The following AOPEP variants were observed in gnomAD, a reference collection of about 807,000 sequenced individuals.
AOPEP encodes aminopeptidase O.
Under a neutral mutation model 98.1 loss-of-function variants are expected in AOPEP, and 77 were observed. The observed-to-expected ratio is 0.78, with a 90% CI of 0.65 to 0.95. AOPEP has a LOEUF of 0.95. Among genes scored for constraint, AOPEP ranks in the 40% least tolerant of loss-of-function variants. The probability of loss-of-function intolerance (pLI) is 0.00; values close to 1 mark genes in which losing one functional copy is unlikely to be tolerated. For missense variants in AOPEP, 1,024 were observed against 1,024.7 expected, an observed-to-expected ratio of 1.00 and a Z score of 0.01; for synonymous variants, 346 against 365.3, an observed-to-expected ratio of 0.95 and a Z score of 0.60.
chr9:94,741,037 GGA>G (rs1390762028), intron 1 of AOPEP, among the ~76,000 whole-genome samples: 4 of 152,054 alleles, frequency 2.6e-5, no homozygotes, highest in Non-Finnish European at 5.9e-5. Context: ...GGTGGCAGGA[GGA>G]GAGAGAGAGT....
At chr9:95,050,383 C>T (rs1269622837) in intron 13 of AOPEP, among the ~76,000 whole-genome samples, 2 of 152,158 alleles carry the variant, frequency 1.3e-5, no homozygotes, top group African/African-American at 4.8e-5. Flanking sequence ...TAATCCTTTG[C>T]TCTATTCCTC....
At chr9:94,731,515 C>T (rs539242187) in intron 1 of AOPEP, among the ~76,000 whole-genome samples, 4 of 152,140 alleles carry the variant, frequency 2.6e-5, no homozygotes, top group African/African-American at 9.6e-5. Context: ...CGTGAGCCAC[C>T]GTGCCCGGCC....
At chr9:95,139,534 C>T in the AOPEP span, among the ~76,000 whole-genome samples, 1 of 152,066 alleles carries the variant, frequency 6.6e-6, no homozygotes, top group African/African-American at 2.4e-5. Context: ...GATGGCGGAA[C>T]AGAGTGTGGG....
At chr9:95,111,296 C>T in the AOPEP span, 2 of 1,580,548 alleles carry the variant, frequency 1.3e-6, no homozygotes, top group South Asian at 2.3e-5. Flanking sequence ...ACGCCTCTGA[C>T]CACAAGGCTG....
intron 15 of AOPEP, among the ~76,000 whole-genome samples, chr9:95,082,079 A>G (rs904462902): frequency 6.6e-6 from 1 of 152,014 alleles, no homozygotes; most frequent in African/African-American, 2.4e-5. Flanking sequence ...CTCTGCGGGC[A>G]TCGTGATGTG....
chr9:94,964,086 A>G (rs2059028558), intron 9 of AOPEP, among the ~76,000 whole-genome samples: 1 of 152,220 alleles, frequency 6.6e-6, no homozygotes, highest in Non-Finnish European at 1.5e-5. Context: ...GGAACACAGA[A>G]CAGAAGAATA....
In AOPEP at chr9:94,763,477, A is replaced by G. The variant is rs896355803; in HGVS notation, c.797+2897A>G. 1.7e-5 allele frequency: 3 copies of G among 178,930 alleles called. No homozygotes were observed. The South Asian group carries it at 3.4e-4, about 20-fold the overall frequency. 11.1% of individuals were successfully genotyped at this position (178,930 alleles called of 1,614,324 possible). Reference sequence around the variant, plus strand: ...ATAATTACAGATATGTGTGTTTCCAAGGGTTAGTGTGTGTGTGTGTGTTTG... The same window carrying G: ...ATAATTACAGATATGTGTGTTTCCAGGGGTTAGTGTGTGTGTGTGTGTTTG... On this transcript the variant is annotated intron_variant, in intron 2 of 16. Coordinates refer to ENST00000375315, the MANE Select transcript of AOPEP (RefSeq NM_001193329.3).
chr9:94,782,899 C>T (rs183499463), intron 3 of AOPEP, among the ~76,000 whole-genome samples: 2 of 152,280 alleles, frequency 1.3e-5, no homozygotes, highest in East Asian at 1.9e-4. Flanking sequence ...TTACTGTACA[C>T]GACATATGTG....
chr9:95,126,429 C>T, the AOPEP span: 1 of 1,172,896 alleles, frequency 8.5e-7, no homozygotes, highest in East Asian at 2.5e-5. Flanking sequence ...CTCTAATTTC[C>T]CCATGATACA....
chr9:94,772,925 C>A (rs1841213980), intron 2 of AOPEP, 77 bp from the exon 3 acceptor site: 2 of 1,334,314 alleles, frequency 1.5e-6, no homozygotes, highest in African/African-American at 1.5e-5. Context: ...ACTTAACCTG[C>A]ACTACCATAC....
chr9:94,730,833 G>A (rs773882599), intron 1 of AOPEP, among the ~76,000 whole-genome samples: 6 of 152,078 alleles, frequency 3.9e-5, no homozygotes, highest in Non-Finnish European at 8.8e-5. Context: ...TAGTTGGGTC[G>A]GTGGTTGTAA....
At chr9:95,065,631 A>G (rs2067806310) in intron 14 of AOPEP, among the ~76,000 whole-genome samples, 1 of 152,252 alleles carries the variant, frequency 6.6e-6, no homozygotes, top group African/African-American at 2.4e-5. Context: ...TTGAACATGA[A>G]AAAGAACACC....
chr9:94,950,816 G>C (rs7046900), intron 7 of AOPEP, among the ~76,000 whole-genome samples: 15,248 of 152,252 alleles, frequency 0.1, 1,517 homozygotes, highest in African/African-American at 0.26. Context: ...GGGCCCGCCT[G>C]GGTGGGGGCA....
At chr9:95,082,986 A>G (rs1487437415) in intron 16 of AOPEP, 6 of 426,724 alleles carry the variant, frequency 1.4e-5, no homozygotes, top group East Asian at 9.0e-5. Flanking sequence ...CCTTGGCACT[A>G]TTTTGGCCAC....
chr9:95,053,273 G>GAA (rs1170452478), intron 13 of AOPEP, among the ~76,000 whole-genome samples: 2 of 152,202 alleles, frequency 1.3e-5, no homozygotes, highest in Non-Finnish European at 2.9e-5. Flanking sequence ...GTTACTCGGA[G>GAA]AAACAGTTGA....
intron 6 of AOPEP, among the ~76,000 whole-genome samples, chr9:94,927,457 C>T (rs1369441347): frequency 6.6e-6 from 1 of 152,178 alleles, no homozygotes; most frequent in African/African-American, 2.4e-5. Flanking sequence ...GACCATATGC[C>T]TTGCCATTCT....
chr9:95,096,986 A>G, the AOPEP span, among the ~76,000 whole-genome samples: 1 of 152,008 alleles, frequency 6.6e-6, no homozygotes, highest in Non-Finnish European at 1.5e-5. Context: ...CAATGTCTGG[A>G]GAAAGTTTTG....
At chr9:94,766,942 G>C (rs999622222) in intron 2 of AOPEP, among the ~76,000 whole-genome samples, 1 of 152,022 alleles carries the variant, frequency 6.6e-6, no homozygotes, top group South Asian at 2.1e-4. Context: ...GTAGACTTTG[G>C]GAGTATTTTT....
intron 5 of AOPEP, among the ~76,000 whole-genome samples, chr9:94,901,605 C>T (rs2050415035): frequency 6.6e-6 from 1 of 152,170 alleles, no homozygotes; most frequent in African/African-American, 2.4e-5. Context: ...GCATCTTCAA[C>T]AACCTTCACT....
Sources: allele counts gnomAD v4.1 joint callset (sites outside exome capture counted in the v4.1 genomes callset), GRCh38; gene constraint gnomAD v4.1.1; transcripts MANE v1.5; gene names NCBI Gene and HGNC (gene_info 2026-07-23, HGNC 2026-07-21).